The following THEMIS variants were observed in gnomAD, a reference collection of about 807,000 sequenced individuals.
THEMIS encodes protein THEMIS.
In THEMIS, 37 loss-of-function variants were observed where a neutral mutation model predicts 52.6. The ratio of observed to expected loss-of-function variants is 0.70; its 90% CI spans 0.54 to 0.93. The LOEUF is 0.93. Ranked by LOEUF, THEMIS falls within the 40% of genes least tolerant of loss-of-function variation. THEMIS has a pLI of 0.00. For synonymous variants in THEMIS, 292 were observed against 272.7 expected, an observed-to-expected ratio of 1.07 and a Z score of -0.70; for missense variants, 808 against 763.1, an observed-to-expected ratio of 1.06 and a Z score of -0.69.
In THEMIS at chr6:127,799,532, TTTC is replaced by T. The variant is rs1317927188; in HGVS notation, c.1758+13348_1758+13350del. Among the ~76,000 whole-genome samples the T allele has an allele frequency of 2.5e-3, 188 of 75,294 alleles. 1 individual carries two copies. The highest frequency in any genetic ancestry group is 6.1e-3 in the African/African-American group (176 of 28,894). 49.4% of individuals were successfully genotyped at this position (75,294 alleles called of 152,430 possible). ...GGTAATCTTTCTTTCTTTCTTTCTC[TTTC>T]TTTCTTTCTTTCTTTCTATCTTTCT... On this transcript the variant is annotated intron_variant, in intron 4 of 5. Coordinates refer to ENST00000368248, the MANE Select transcript of THEMIS (RefSeq NM_001010923.3).
chr6:127,756,492 A>G (rs1024341710), intron 4 of THEMIS, among the ~76,000 whole-genome samples: 4 of 152,224 alleles, frequency 2.6e-5, no homozygotes, highest in Non-Finnish European at 5.9e-5. Flanking sequence ...AAACCATTAC[A>G]GAAACCATTT....
intron 1 of THEMIS, among the ~76,000 whole-genome samples, chr6:127,859,876 G>T (rs891281186): frequency 1.3e-5 from 2 of 152,244 alleles, no homozygotes; most frequent in African/African-American, 4.8e-5. Flanking sequence ...ATCCACTGGG[G>T]TTGCCAGTGG....
In THEMIS at chr6:127,755,108, C is replaced by G. The variant is rs555292339; in HGVS notation, c.1759-35285G>C. ...TCTTGGTCTGCTGTATACAAGGCAT[C>G]TTTTTTTGAAAACCGCCAGCATCTA... On this transcript the variant is annotated intron_variant, in intron 4 of 5. Coordinates refer to ENST00000368248, the MANE Select transcript of THEMIS (RefSeq NM_001010923.3). 7.2e-5 allele frequency among the ~76,000 whole-genome samples: 11 copies of G among 151,996 alleles called. 1 individual carries two copies. Among genetic ancestry groups the G allele is most frequent in the African/African-American group, 2.4e-4 (10 of 41,452 alleles).
intron 1 of THEMIS, among the ~76,000 whole-genome samples, chr6:127,898,915 A>T (rs1182765868): frequency 1.3e-5 from 2 of 151,856 alleles, no homozygotes. Flanking sequence ...GGAGCTAAAA[A>T]AATTGATATC....
intron 4 of THEMIS, among the ~76,000 whole-genome samples, chr6:127,806,749 A>G (rs1777723084): frequency 6.6e-6 from 1 of 152,214 alleles, no homozygotes; most frequent in South Asian, 2.1e-4. Context: ...AGTACATGTC[A>G]TGCCTAGAGC....
chr6:127,915,380 G>A (rs371502602), intron 1 of THEMIS, among the ~76,000 whole-genome samples: 1 of 152,096 alleles, frequency 6.6e-6, no homozygotes, highest in Non-Finnish European at 1.5e-5. Flanking sequence ...TTTGTGGCTT[G>A]GTATTGACAG....
chr6:127,743,277 G>A (rs1775271089), intron 4 of THEMIS, among the ~76,000 whole-genome samples: 1 of 152,084 alleles, frequency 6.6e-6, no homozygotes, highest in Non-Finnish European at 1.5e-5. Flanking sequence ...ACTCTTCTGG[G>A]CATAAAACAT....
chr6:127,817,173 ATTGTTTTCT>A (rs1312479241), intron 3 of THEMIS, among the ~76,000 whole-genome samples: 1 of 152,104 alleles, frequency 6.6e-6, no homozygotes, highest in Non-Finnish European at 1.5e-5. Context: ...GGAGGCTTTC[ATTGTTTTCT>A]TCATCAATGT....
downstream of THEMIS, among the ~76,000 whole-genome samples, chr6:127,705,205 G>C (rs1452620466): frequency 6.6e-6 from 1 of 152,120 alleles, no homozygotes; most frequent in Non-Finnish European, 1.5e-5. Flanking sequence ...ATGGGGAAAA[G>C]GTATGAAAAT....
At position 127,773,913 on chromosome 6, in the gene THEMIS, T is replaced by A. The variant is rs9491870; in HGVS notation, c.1758+38970A>T. ...TATCTATTGCTGAATAACAAATCAC[T>A]GCAAAACTTAATAATTTAAAACGAG... On this transcript the variant is annotated intron_variant, in intron 4 of 5. Coordinates refer to ENST00000368248, the MANE Select transcript of THEMIS (RefSeq NM_001010923.3). Among the ~76,000 whole-genome samples, 228 of 152,336 alleles carry A rather than the reference T, an allele frequency of 1.5e-3. 1 individual carries two copies. Among genetic ancestry groups the A allele is most frequent in the African/African-American group, 4.9e-3 (203 of 41,590 alleles).
chr6:127,915,638 C>A (rs1004206666), intron 1 of THEMIS, among the ~76,000 whole-genome samples: 10 of 150,638 alleles, frequency 6.6e-5, no homozygotes, highest in Admixed American at 5.3e-4. Flanking sequence ...TACACATAAA[C>A]CTTTAATACC....
At chr6:127,794,669 T>A (rs1389715532) in intron 4 of THEMIS, among the ~76,000 whole-genome samples, 1 of 152,214 alleles carries the variant, frequency 6.6e-6, no homozygotes, top group Non-Finnish European at 1.5e-5. Flanking sequence ...CTGGAACATT[T>A]CCTCTCACTA....
chr6:127,707,892 C>T (rs1019808825), downstream of THEMIS, among the ~76,000 whole-genome samples: 2 of 152,096 alleles, frequency 1.3e-5, no homozygotes. Flanking sequence ...TTTCTGACAG[C>T]CTTTTCCAAA....
chr6:127,813,012 C>T lies in THEMIS; in HGVS notation c.1629G>A (p.Met543Ile). The T allele has an allele frequency of 1.2e-6, 2 of 1,614,034 alleles. No individual in the cohort carries two copies. The highest frequency in any genetic ancestry group is 2.2e-5 in the South Asian group (2 of 91,078). Reference sequence around the variant, plus strand: ...GTGAGGCTGAGCTTTCATATCTCCGCATCATGTAATATTGCTCTTCAGTGA... The same window carrying T: ...GTGAGGCTGAGCTTTCATATCTCCGTATCATGTAATATTGCTCTTCAGTGA... ...EEITEEQYYM[M>I]RRYESSASHP... The change falls in exon 4 of 6, where the codon ATG (methionine) becomes ATA (isoleucine). Residue 543 changes from methionine to isoleucine, a missense_variant. Coordinates refer to ENST00000368248, the MANE Select transcript of THEMIS (RefSeq NM_001010923.3).
At chr6:127,702,055 T>C in the THEMIS span, among the ~76,000 whole-genome samples, 1 of 152,238 alleles carries the variant, frequency 6.6e-6, no homozygotes, top group South Asian at 2.1e-4. Context: ...TTTCTTAGAG[T>C]ATACCCTTTA....
chr6:127,834,971 C>T (rs1027930252), intron 2 of THEMIS, among the ~76,000 whole-genome samples: 25 of 152,038 alleles, frequency 1.6e-4, no homozygotes, highest in Non-Finnish European at 3.1e-4. Context: ...TCCCAGGCAG[C>T]GAGAGTGAGT....
chr6:127,814,233 T>C (rs1778050301), intron 3 of THEMIS, among the ~76,000 whole-genome samples: 1 of 152,242 alleles, frequency 6.6e-6, no homozygotes, highest in Non-Finnish European at 1.5e-5. Context: ...ATCACTGTCC[T>C]GATTCTCATG....
Position 127,709,845 on chromosome 6 carries a change from GGTT to G in THEMIS, c.*137_*139del. ...AAGTTTTATCTGTTAAAAGTTTTAA[GGTT>G]GTTCTTTCCTTTGCAGCGATGAATC... On this transcript the variant is annotated 3_prime_UTR_variant, in exon 6 of 6. Transcript: ENST00000368248. 1 of 689,364 alleles carries G rather than the reference GGTT, an allele frequency of 1.5e-6. No individual in the cohort carries two copies. Among genetic ancestry groups the G allele is most frequent in the Non-Finnish European group, 2.4e-6 (1 of 412,842 alleles). 42.7% of individuals were successfully genotyped at this position (689,364 alleles called of 1,614,324 possible).
At chr6:127,877,435 GC>G (rs889393235) in intron 1 of THEMIS, among the ~76,000 whole-genome samples, 4 of 152,052 alleles carry the variant, frequency 2.6e-5, no homozygotes, top group African/African-American at 7.2e-5. Context: ...ATCATTTCTA[GC>G]TTTTGATTGA....
Sources: allele counts gnomAD v4.1 joint callset (sites outside exome capture counted in the v4.1 genomes callset), GRCh38; gene constraint gnomAD v4.1.1; transcripts MANE v1.5; gene names NCBI Gene and HGNC (gene_info 2026-07-23, HGNC 2026-07-21).